The following TLE4 variants were observed in gnomAD, a reference collection of about 807,000 sequenced individuals.
TLE4 encodes the protein TLE family member 4, transcriptional corepressor.
A neutral mutation model predicts 92.8 loss-of-function variants in TLE4; 8 were observed. The ratio of observed to expected loss-of-function variants is 0.09; its 90% CI spans 0.05 to 0.16. TLE4 has a LOEUF of 0.16. Among genes scored for constraint, TLE4 ranks in the 10% least tolerant of loss-of-function variants. The pLI is 1.00. For synonymous variants in TLE4, 371 were observed against 374.1 expected, an observed-to-expected ratio of 0.99 and a Z score of 0.10; for missense variants, 675 against 997.6, an observed-to-expected ratio of 0.68 and a Z score of 4.36.
At chr9:79,707,243 G>A (rs1356586262) in intron 11 of TLE4, 5 of 1,590,034 alleles carry the variant, frequency 3.1e-6, no homozygotes, top group East Asian at 4.5e-5. Flanking sequence ...GGGCTTGAAT[G>A]TGATTTTGTT....
At chr9:79,686,533 G>T (rs888324521) in intron 8 of TLE4, among the ~76,000 whole-genome samples, 1 of 152,182 alleles carries the variant, frequency 6.6e-6, no homozygotes, top group Non-Finnish European at 1.5e-5. Flanking sequence ...AGTGACTCAT[G>T]TCCTTATAAG....
At chr9:79,627,707 T>C in intron 6 of TLE4, 1 of 436,852 alleles carries the variant, frequency 2.3e-6, no homozygotes, top group East Asian at 4.2e-5. Flanking sequence ...CATATTTCTT[T>C]GCTTTGCAAT....
chr9:79,628,873 A>AGTGTGTGTGTGTGT (rs34212290), intron 6 of TLE4, among the ~76,000 whole-genome samples: 6 of 147,996 alleles, frequency 4.1e-5, no homozygotes, highest in African/African-American at 1.5e-4. Context: ...TTTAAAGTTA[A>AGTGTGTGTGTGTGT]GTGTGTGTGT....
intron 4 of TLE4, among the ~76,000 whole-genome samples, chr9:79,599,160 TTCC>T (rs2044892736): frequency 6.6e-6 from 1 of 152,220 alleles, no homozygotes; most frequent in African/African-American, 2.4e-5. Flanking sequence ...TATCATAACT[TTCC>T]TAGGAATTGA....
chr9:79,640,705 C>A (rs1296854648), intron 6 of TLE4, among the ~76,000 whole-genome samples: 1 of 152,122 alleles, frequency 6.6e-6, no homozygotes, highest in Non-Finnish European at 1.5e-5. Context: ...ACTGCCACAA[C>A]CCTAACTGAA....
chr9:79,702,901 C>T (rs1364549416), intron 8 of TLE4, among the ~76,000 whole-genome samples: 1 of 152,092 alleles, frequency 6.6e-6, no homozygotes, highest in East Asian at 1.9e-4. Context: ...AGAAATGCCA[C>T]AAAAGAGATT....
intron 6 of TLE4, among the ~76,000 whole-genome samples, chr9:79,643,107 C>T (rs1051207018): frequency 1.3e-5 from 2 of 152,160 alleles, no homozygotes; most frequent in Non-Finnish European, 2.9e-5. Context: ...AAGAAGGGCA[C>T]ATCTTATTTT....
chr9:79,609,084 G>C (rs2047763588), intron 4 of TLE4, among the ~76,000 whole-genome samples: 1 of 152,078 alleles, frequency 6.6e-6, no homozygotes, highest in Non-Finnish European at 1.5e-5. Context: ...TTTTAACCTA[G>C]TGATTGAGTT....
At position 79,699,087 on chromosome 9, in the gene TLE4, TC is replaced by T. The variant is rs566528227; in HGVS notation, c.610-5695del. Among the ~76,000 whole-genome samples, 286 of 152,262 alleles carry T rather than the reference TC, an allele frequency of 1.9e-3. 1 individual carries two copies. Among genetic ancestry groups the T allele is most frequent in the Admixed American group, 0.017 (259 of 15,294 alleles). ...TCAGGATATTACTTTCCAAACTTACTCAAAGTAGTTCCAAAAAAACAGAAAT... is the reference window on the plus strand; with the variant it reads ...TCAGGATATTACTTTCCAAACTTACTAAAGTAGTTCCAAAAAAACAGAAAT... On this transcript the variant is annotated intron_variant, in intron 8 of 19. Coordinates refer to ENST00000376552, the MANE Select transcript of TLE4 (RefSeq NM_007005.6).
intron 4 of TLE4, among the ~76,000 whole-genome samples, chr9:79,594,008 A>G (rs562461175): frequency 6.6e-6 from 1 of 152,198 alleles, no homozygotes; most frequent in African/African-American, 2.4e-5. Context: ...CCTCATCCAT[A>G]AAACAAGGGT....
intron 4 of TLE4, among the ~76,000 whole-genome samples, chr9:79,605,264 T>C (rs1209950176): frequency 6.6e-6 from 1 of 152,130 alleles, no homozygotes; most frequent in Non-Finnish European, 1.5e-5. Context: ...CCTCCCATCC[T>C]TCCTTTCTAT....
chr9:79,656,444 C>T (rs1008140694), intron 8 of TLE4, among the ~76,000 whole-genome samples: 1 of 152,110 alleles, frequency 6.6e-6, no homozygotes, highest in Non-Finnish European at 1.5e-5. Flanking sequence ...TCCCTTTCCT[C>T]TTCTAATGTG....
At chr9:79,691,406 C>A (rs2067056343) in intron 8 of TLE4, among the ~76,000 whole-genome samples, 1 of 152,144 alleles carries the variant, frequency 6.6e-6, no homozygotes, top group Admixed American at 6.5e-5. Context: ...GCAGTGTAAT[C>A]TTTTCTGTTC....
intron 4 of TLE4, chr9:79,601,325 G>T: frequency 2.2e-6 from 1 of 450,226 alleles, no homozygotes; most frequent in Non-Finnish European, 4.5e-6. Context: ...AAGTTTTCTG[G>T]ATAGATATTC....
chr9:79,606,189 T>TG (rs1564329290), intron 4 of TLE4, among the ~76,000 whole-genome samples: 96 of 60,940 alleles, frequency 1.6e-3, no homozygotes, highest in Non-Finnish European at 2.4e-3. Flanking sequence ...TAGTAGTTGT[T>TG]TTTTTTTTTT....
At chr9:79,717,904 A>T in intron 14 of TLE4, 1 of 448,654 alleles carries the variant, frequency 2.2e-6, no homozygotes, top group South Asian at 1.6e-5. Context: ...AACATGCGTC[A>T]CAACAGCCTC....
chr9:79,636,267 G>A (rs1456424980), intron 6 of TLE4, among the ~76,000 whole-genome samples: 3 of 152,068 alleles, frequency 2.0e-5, no homozygotes, highest in Non-Finnish European at 4.4e-5. Flanking sequence ...AGACCAGCCT[G>A]GGCAACAGCA....
At chr9:79,610,223 A>G (rs920777002) in intron 4 of TLE4, among the ~76,000 whole-genome samples, 3 of 152,106 alleles carry the variant, frequency 2.0e-5, no homozygotes, top group Non-Finnish European at 4.4e-5. Flanking sequence ...ATTACATTAC[A>G]ATGACAAATA....
chr9:79,711,238 A>G lies in TLE4; in HGVS notation c.1340+1539A>G, dbSNP rs530089614. 4.6e-5 allele frequency among the ~76,000 whole-genome samples: 7 copies of G among 152,310 alleles called. No individual in the cohort carries two copies. The South Asian group carries it at 1.5e-3, about 32-fold the overall frequency. On this transcript the variant is annotated intron_variant, in intron 14 of 19. Coordinates refer to ENST00000376552, the MANE Select transcript of TLE4 (RefSeq NM_007005.6). ...TAAATATTTGGCTGATTAATAGGGG[A>G]GAAAAGACAAATTAGAGTTCCTCAA...
Sources: gnomAD v4.1 joint callset for allele counts (sites outside exome capture counted in the v4.1 genomes callset) on GRCh38, gnomAD v4.1.1 for gene constraint, MANE v1.5 for transcripts, NCBI Gene and HGNC (gene_info 2026-07-23, HGNC 2026-07-21) for gene names.